The following AFAP1L2 variants were observed in gnomAD, a reference collection of about 807,000 sequenced individuals.
The protein encoded by AFAP1L2 is actin filament-associated protein 1-like 2.
Under a neutral mutation model 99.3 loss-of-function variants are expected in AFAP1L2, and 46 were observed. The ratio of observed to expected loss-of-function variants is 0.46; its 90% CI spans 0.37 to 0.59. AFAP1L2 has a LOEUF of 0.59. Among genes scored for constraint, AFAP1L2 ranks in the 20% least tolerant of loss-of-function variants. AFAP1L2 has a pLI of 0.00. For missense variants in AFAP1L2, 959 were observed against 1,034.9 expected (o/e 0.93, Z 1.01); for synonymous variants, 397 against 419.1 (o/e 0.95, Z 0.64).
intron 1 of AFAP1L2, among the ~76,000 whole-genome samples, chr10:114,349,091 G>C (rs986528066): frequency 2.0e-5 from 3 of 152,120 alleles, no homozygotes; most frequent in Admixed American, 1.3e-4. Flanking sequence ...AGAAGGCCAG[G>C]CTGGGGCTAG....
At chr10:114,302,094 T>C in intron 12 of AFAP1L2, 1 of 513,756 alleles carries the variant, frequency 1.9e-6, no homozygotes, top group East Asian at 3.6e-5. Flanking sequence ...AGAGTCTAAC[T>C]GCCTCTGAGG....
chr10:114,342,776 C>T (rs1476541752), intron 1 of AFAP1L2, among the ~76,000 whole-genome samples: 1 of 152,314 alleles, frequency 6.6e-6, no homozygotes, highest in Middle Eastern at 3.4e-3. Flanking sequence ...TTAACGAGTT[C>T]GTGTTGCTTT....
At chr10:114,293,813 T>C (rs953317227), downstream of AFAP1L2, among the ~76,000 whole-genome samples, 3 of 152,228 alleles carry the variant, frequency 2.0e-5, no homozygotes, top group Admixed American at 2.0e-4. Flanking sequence ...TTTTGTCTCT[T>C]CCTTTCAAAG....
Position 114,294,972 on chromosome 10 carries a change from C to T in AFAP1L2, c.*1070G>A. The T allele has an allele frequency of 1.0e-6, 1 of 979,990 alleles. No individual in the cohort carries two copies. The highest frequency in any genetic ancestry group is 1.2e-6 in the Non-Finnish European group (1 of 828,412). 60.7% of individuals were successfully genotyped at this position (979,990 alleles called of 1,614,324 possible). A position where few individuals can be genotyped will look rare whatever the true frequency, so the allele number is the denominator to read the frequency against. ...GTTAGAGAACTGATACACAACCCTC[C>T]AGAAATGAGGCAGAGATAATAGATG... On this transcript the variant is annotated 3_prime_UTR_variant, in exon 19 of 19. Transcript: ENST00000304129.
At chr10:114,309,704 G>C (rs564389475) in intron 8 of AFAP1L2, among the ~76,000 whole-genome samples, 3 of 152,148 alleles carry the variant, frequency 2.0e-5, no homozygotes, top group Non-Finnish European at 4.4e-5. Flanking sequence ...GCCCAGAGGC[G>C]CTACTGAGGA....
chr10:114,372,498 T>C (rs1407084190), intron 1 of AFAP1L2, among the ~76,000 whole-genome samples: 2 of 152,172 alleles, frequency 1.3e-5, no homozygotes, highest in African/African-American at 2.4e-5. Context: ...AGGCCAAGGG[T>C]AGCCAGCTCC....
intron 1 of AFAP1L2, among the ~76,000 whole-genome samples, chr10:114,371,990 C>G (rs948324167): frequency 4.6e-5 from 7 of 152,036 alleles, no homozygotes; most frequent in Non-Finnish European, 8.8e-5. Context: ...AATGGAAGGC[C>G]TCTCCCCATG....
intron 1 of AFAP1L2, among the ~76,000 whole-genome samples, chr10:114,403,679 C>T (rs925043579): frequency 2.0e-5 from 3 of 152,200 alleles, no homozygotes; most frequent in Non-Finnish European, 2.9e-5. Context: ...AGTGTGGGTG[C>T]TAAGCTGGGC....
At chr10:114,282,546 C>T in the AFAP1L2 span, 1 of 1,614,116 alleles carries the variant, frequency 6.2e-7, no homozygotes, top group Non-Finnish European at 8.5e-7. Flanking sequence ...CCCACCCTGC[C>T]ACCTGCTACA....
intron 4 of AFAP1L2, 106 bp downstream of exon 4, chr10:114,331,697 G>A: frequency 1.3e-6 from 1 of 771,632 alleles, no homozygotes; most frequent in Non-Finnish European, 1.8e-6. Context: ...GAACACAGTA[G>A]CTGCTCAGAA....
At chr10:114,326,770 G>T (rs748177153) in intron 4 of AFAP1L2, among the ~76,000 whole-genome samples, 3 of 152,158 alleles carry the variant, frequency 2.0e-5, no homozygotes, top group Non-Finnish European at 4.4e-5. Flanking sequence ...AAGAAGGGGA[G>T]AATAGAAATA....
In AFAP1L2 at chr10:114,295,910, C is replaced by T. The variant is rs550909528; in HGVS notation, c.*132G>A. 25 of 1,567,750 alleles carry T rather than the reference C, an allele frequency of 1.6e-5. No homozygotes were observed. The highest frequency in any genetic ancestry group is 2.2e-5 in the Non-Finnish European group (25 of 1,156,322). On this transcript the variant is annotated 3_prime_UTR_variant, in exon 19 of 19. Transcript: ENST00000304129. The stretch of plus-strand genomic sequence containing the variant: ...AGAGCCTCCTCTTAGCTGAAGCTCT[C>T]CATTCACAGTACCTCAGTCTTTGCT...
intron 2 of AFAP1L2, among the ~76,000 whole-genome samples, chr10:114,335,071 C>A (rs2047733038): frequency 6.6e-6 from 1 of 152,168 alleles, no homozygotes; most frequent in African/African-American, 2.4e-5. Context: ...AAAATGGTAA[C>A]AAACCATGGC....
chr10:114,326,995 G>A (rs2046378460), intron 4 of AFAP1L2, among the ~76,000 whole-genome samples: 1 of 150,498 alleles, frequency 6.6e-6, no homozygotes. Flanking sequence ...AAGAATGCTG[G>A]GTTAAATGAT....
At position 114,295,129 on chromosome 10, in the gene AFAP1L2, TGGAA is replaced by T. The variant is rs2040002547; in HGVS notation, c.*909_*912del. 2.0e-6 allele frequency: 2 copies of T among 985,742 alleles called. No homozygotes were observed. Among genetic ancestry groups the T allele is most frequent in the South Asian group, 9.4e-5 (2 of 21,274 alleles). The allele number at this position is 985,742 out of a possible 1,614,324, so 61.1% of individuals were successfully genotyped here. ...TAACCAAAAATCACCACTTTGTTCT[TGGAA>T]GGAGAATGAACATTAAACAGAACTT... On this transcript the variant is annotated 3_prime_UTR_variant, in exon 19 of 19. Coordinates refer to ENST00000304129, the MANE Select transcript of AFAP1L2 (RefSeq NM_001001936.3).
At chr10:114,302,072 T>C (rs2041291747) in intron 12 of AFAP1L2, 1 of 451,172 alleles carries the variant, frequency 2.2e-6, no homozygotes, top group Admixed American at 3.5e-5. Context: ...CAGCTCTGCC[T>C]GGAGGAGCTG....
At chr10:114,296,281 A>T in intron 18 of AFAP1L2, 1 of 594,124 alleles carries the variant, frequency 1.7e-6, no homozygotes, top group East Asian at 2.9e-5. Context: ...CCTATAAGTG[A>T]TGTCTCTCAC....
chr10:114,331,205 A>G (rs1247080257), intron 4 of AFAP1L2, among the ~76,000 whole-genome samples: 1 of 152,136 alleles, frequency 6.6e-6, no homozygotes, highest in Non-Finnish European at 1.5e-5. Context: ...AGCAGGTAGT[A>G]CAGTGTGATA....
intron 1 of AFAP1L2, among the ~76,000 whole-genome samples, chr10:114,355,432 C>A (rs1290861221): frequency 5.3e-5 from 8 of 151,948 alleles, no homozygotes; most frequent in Non-Finnish European, 1.2e-4. Flanking sequence ...TGCTCACATC[C>A]CTGTGCGACT....
Sources: gnomAD v4.1 joint callset for allele counts (sites outside exome capture counted in the v4.1 genomes callset) on GRCh38, gnomAD v4.1.1 for gene constraint, MANE v1.5 for transcripts, NCBI Gene and HGNC (gene_info 2026-07-23, HGNC 2026-07-21) for gene names.